NPIPA8: variants seen among roughly 807,000 people sequenced by gnomAD.
NPIPA8 encodes nuclear pore complex interacting protein family member A8.
NPIPA8 carries 1 observed loss-of-function variant against 7.1 expected under a neutral mutation model. That is an observed-to-expected ratio of 0.14 (90% CI 0.05 to 0.66). The LOEUF (loss-of-function observed/expected upper bound fraction) is 0.66. Ranked by LOEUF, NPIPA8 falls within the 30% of genes least tolerant of loss-of-function variation. The pLI is 0.84.
intron 2 of NPIPA8, among the ~76,000 whole-genome samples, chr16:18,324,739 G>C (rs1395564572): frequency 7.2e-5 from 5 of 69,636 alleles, no homozygotes; most frequent in African/African-American, 3.0e-4. Context: ...GGGAGGCGGA[G>C]TTTGCAGTGA....
chr16:18,335,605 C>G (rs1216823647), upstream of NPIPA8, among the ~76,000 whole-genome samples: 42 of 107,042 alleles, frequency 3.9e-4, 2 homozygotes, highest in Non-Finnish European at 7.6e-4. Flanking sequence ...TGCGCCTTCT[C>G]TGTGTGCTGC....
rs1396718905 is a variant in NPIPA8, at chr16:18,323,390, C to A, written c.437+701G>T. Among the ~76,000 whole-genome samples the A allele has an allele frequency of 8.8e-3, 95 of 10,796 alleles. 6 individuals are homozygous for A. Among genetic ancestry groups the A allele is most frequent in the Non-Finnish European group, 0.015 (81 of 5,492 alleles). The allele number at this position is 10,796 out of a possible 152,430, so 7.1% of individuals were successfully genotyped here. A position where few individuals can be genotyped will look rare whatever the true frequency, so the allele number is the denominator to read the frequency against. On this transcript the variant is annotated intron_variant, in intron 4 of 7. Transcript: ENST00000541810. ...AATTGGCCGAATGTGGCGGCACACACCTGTAATCCAAGCTACTCGGGAAGC... is the reference window on the plus strand; with the variant it reads ...AATTGGCCGAATGTGGCGGCACACAACTGTAATCCAAGCTACTCGGGAAGC...
intron 1 of NPIPA8, among the ~76,000 whole-genome samples, chr16:18,330,686 CTT>C: frequency 2.9e-5 from 1 of 34,518 alleles, no homozygotes; most frequent in African/African-American, 1.3e-4. Flanking sequence ...AATCCCAACA[CTT>C]TGGGAGGCCG....
intron 4 of NPIPA8, among the ~76,000 whole-genome samples, chr16:18,323,845 A>AG (rs1413313978): frequency 2.8e-4 from 34 of 122,958 alleles, no homozygotes; most frequent in African/African-American, 7.6e-4. Context: ...AAAAAAAAAA[A>AG]AAAGAGAAAG....
intron 4 of NPIPA8, 62 bp downstream of exon 6, chr16:18,324,028 CA>C (rs1415618740): frequency 3.4e-6 from 2 of 580,750 alleles, no homozygotes; most frequent in African/African-American, 3.9e-5. Flanking sequence ...AAGGACTTTA[CA>C]GTTGTCTACT....
upstream of NPIPA8, among the ~76,000 whole-genome samples, chr16:18,335,998 T>C (rs1596811709): frequency 6.6e-6 from 1 of 151,566 alleles, no homozygotes; most frequent in East Asian, 2.0e-4. Context: ...GTTTTTGTAT[T>C]TGTAGTAGAG....
chr16:18,335,571 G>A (rs1172520321), upstream of NPIPA8, among the ~76,000 whole-genome samples: 1 of 110,734 alleles, frequency 9.0e-6, no homozygotes, highest in Non-Finnish European at 1.9e-5. Flanking sequence ...GGACTCGGGA[G>A]CAACCCCTCC....
intron 4 of NPIPA8, among the ~76,000 whole-genome samples, chr16:18,323,847 A>AAAAAAAAAAGAG (rs750129798): frequency 6.6e-5 from 6 of 91,590 alleles, no homozygotes; most frequent in African/African-American, 2.3e-4. Context: ...AAAAAAAAAA[A>AAAAAAAAAAGAG]AGAGAAAGGA....
At chr16:18,335,854 T>C (rs1183569631), upstream of NPIPA8, among the ~76,000 whole-genome samples, 1 of 131,124 alleles carries the variant, frequency 7.6e-6, no homozygotes, top group African/African-American at 3.1e-5. Flanking sequence ...GGAGTCTTGC[T>C]CCATTGCCCA....
upstream of NPIPA8, among the ~76,000 whole-genome samples, chr16:18,335,470 G>T (rs1282372192): frequency 2.5e-5 from 3 of 120,222 alleles, no homozygotes; most frequent in Admixed American, 1.5e-4. Context: ...AAAGTGCTGG[G>T]ATTACAGGTG....
intron 2 of NPIPA8, among the ~76,000 whole-genome samples, chr16:18,325,106 C>T (rs1305463765): frequency 2.7e-5 from 2 of 73,724 alleles, no homozygotes; most frequent in East Asian, 3.4e-4. Context: ...TGCACTCCAA[C>T]CTGGGCAACA....
At chr16:18,335,317 C>G (rs1900150568), upstream of NPIPA8, among the ~76,000 whole-genome samples, 1 of 40,150 alleles carries the variant, frequency 2.5e-5, no homozygotes, top group Admixed American at 2.2e-4. Context: ...CCTGGCTCAG[C>G]CTCCTGAGTA....
upstream of NPIPA8, among the ~76,000 whole-genome samples, chr16:18,335,588 C>T (rs1334944232): frequency 1.9e-4 from 21 of 108,430 alleles, 2 homozygotes; most frequent in Admixed American, 1.2e-3. Flanking sequence ...CTCCTGGTCG[C>T]GGCTTATGCG....
chr16:18,336,325 G>A (rs367830120), upstream of NPIPA8, among the ~76,000 whole-genome samples: 10 of 91,084 alleles, frequency 1.1e-4, no homozygotes, highest in East Asian at 2.7e-3. Flanking sequence ...TTTTCTTCTG[G>A]AGTGCATTTC....
Position 18,324,856 on chromosome 16 carries a change from C to T in NPIPA8, c.193-358G>A, listed in dbSNP as rs1312086714. ...CACACACACAAAGAATGACATGAGG[C>T]TGGCAGGGTGGCTCACTCCTGTAAT... On this transcript the variant is annotated intron_variant, in intron 2 of 7. Coordinates refer to ENST00000541810, the Ensembl canonical transcript of NPIPA8. Among the ~76,000 whole-genome samples the T allele has an allele frequency of 9.4e-5, 8 of 85,062 alleles. 2 individuals carry two copies. The highest frequency in any genetic ancestry group is 1.4e-4 in the Non-Finnish European group (6 of 42,682). 55.8% of individuals were successfully genotyped at this position (85,062 alleles called of 152,430 possible). A position where few individuals can be genotyped will look rare whatever the true frequency, so the allele number is the denominator to read the frequency against.
chr16:18,325,196 G>A (rs1231241839), intron 2 of NPIPA8, among the ~76,000 whole-genome samples: 35 of 70,844 alleles, frequency 4.9e-4, no homozygotes, highest in African/African-American at 2.0e-3. Flanking sequence ...CAGCACTTTG[G>A]GAGGCCGAGG....
intron 2 of NPIPA8, among the ~76,000 whole-genome samples, chr16:18,325,165 T>A (rs1320868052): frequency 1.3e-5 from 1 of 78,040 alleles, no homozygotes; most frequent in African/African-American, 5.4e-5. Flanking sequence ...GGCCAGGTGC[T>A]GTAGCTCACG....
upstream of NPIPA8, among the ~76,000 whole-genome samples, chr16:18,335,567 G>A (rs1170081507): frequency 1.8e-5 from 2 of 110,638 alleles, no homozygotes; most frequent in African/African-American, 4.3e-5. Context: ...CCACGGACTC[G>A]GGAGCAACCC....
chr16:18,335,841 G>A (rs1900167454), upstream of NPIPA8, among the ~76,000 whole-genome samples: 1 of 131,392 alleles, frequency 7.6e-6, no homozygotes, highest in Non-Finnish European at 1.6e-5. Context: ...TTTTTTTGGA[G>A]ATGGAGTCTT....
Sources: allele counts gnomAD v4.1 joint callset (sites outside exome capture counted in the v4.1 genomes callset), GRCh38; gene constraint gnomAD v4.1.1; transcripts MANE v1.5; gene names NCBI Gene and HGNC (gene_info 2026-07-23, HGNC 2026-07-21).